FHIT: variants seen among roughly 807,000 people sequenced by gnomAD.
FHIT encodes the protein bis(5'-adenosyl)-triphosphatase.
Under a neutral mutation model 17.9 loss-of-function variants are expected in FHIT, and 19 were observed. The ratio of observed to expected loss-of-function variants is 1.06; its 90% CI spans 0.74 to 1.56. The LOEUF is 1.56. Ranked by LOEUF, FHIT falls within the 40% of genes most tolerant of loss-of-function variation. The pLI is 0.00. For synonymous variants in FHIT, 81 were observed against 69.7 expected (o/e 1.16, Z -0.81); for missense variants, 248 against 189.2 (o/e 1.31, Z -1.82).
At chr3:61,051,905 C>T (rs929313556) in intron 2 of FHIT, among the ~76,000 whole-genome samples, 3 of 152,166 alleles carry the variant, frequency 2.0e-5, no homozygotes, top group African/African-American at 7.2e-5. Context: ...CCTGGAGCTG[C>T]TCTCTATACA....
At chr3:60,174,379 T>G (rs1411563208) in intron 5 of FHIT, among the ~76,000 whole-genome samples, 1 of 152,124 alleles carries the variant, frequency 6.6e-6, no homozygotes, top group Non-Finnish European at 1.5e-5. Flanking sequence ...CTGCAAAAAA[T>G]GCTCTGTCTT....
chr3:60,183,479 T>A (rs1421416497), intron 5 of FHIT, among the ~76,000 whole-genome samples: 1 of 152,088 alleles, frequency 6.6e-6, no homozygotes, highest in African/African-American at 2.4e-5. Context: ...TTTGTTCAAT[T>A]TGAAGTCAAC....
chr3:61,043,409 A>G (rs2033624847), intron 2 of FHIT, among the ~76,000 whole-genome samples: 1 of 152,190 alleles, frequency 6.6e-6, no homozygotes, highest in Non-Finnish European at 1.5e-5. Flanking sequence ...ACTGCAAAGC[A>G]GCAGTGAGGC....
intron 3 of FHIT, among the ~76,000 whole-genome samples, chr3:60,842,047 C>T (rs1553745161): frequency 6.6e-6 from 1 of 152,006 alleles, no homozygotes; most frequent in East Asian, 1.9e-4. Flanking sequence ...AAGGACGCTC[C>T]GAGGGCCTAC....
chr3:61,178,463 A>G (rs1050942621), intron 2 of FHIT, among the ~76,000 whole-genome samples: 1 of 150,314 alleles, frequency 6.7e-6, no homozygotes, highest in Admixed American at 6.7e-5. Context: ...ACCATTACGT[A>G]TGTGGCCTTC....
At chr3:60,420,445 T>A (rs2107261443) in intron 5 of FHIT, among the ~76,000 whole-genome samples, 1 of 152,300 alleles carries the variant, frequency 6.6e-6, no homozygotes, top group Admixed American at 6.5e-5. Flanking sequence ...ACAAAGAGAT[T>A]ACTGTGTTAA....
intron 3 of FHIT, among the ~76,000 whole-genome samples, chr3:60,950,327 T>C (rs558903354): frequency 1.3e-5 from 2 of 152,348 alleles, no homozygotes; most frequent in East Asian, 1.9e-4. Flanking sequence ...ATCATATTTA[T>C]TGAGAGCTGT....
chr3:59,900,616 G>GTTGT (rs1195905588), intron 8 of FHIT, among the ~76,000 whole-genome samples: 2 of 150,926 alleles, frequency 1.3e-5, no homozygotes, highest in African/African-American at 4.9e-5. Context: ...ATGTTTGGTT[G>GTTGT]TTGTTTGTTT....
intron 5 of FHIT, among the ~76,000 whole-genome samples, chr3:60,252,334 A>C (rs1012464139): frequency 6.6e-6 from 1 of 152,140 alleles, no homozygotes; most frequent in African/African-American, 2.4e-5. Flanking sequence ...GCTTGAGCCC[A>C]GGAGTTTAAG....
chr3:60,630,957 C>A (rs12638876), intron 4 of FHIT, among the ~76,000 whole-genome samples: 15,153 of 51,190 alleles, frequency 0.3, 1,126 homozygotes, highest in Non-Finnish European at 0.34. Flanking sequence ...AAAAAAAAAA[C>A]ACACAGAAAT....
At chr3:60,770,163 A>G (rs1699992536) in intron 4 of FHIT, among the ~76,000 whole-genome samples, 1 of 152,194 alleles carries the variant, frequency 6.6e-6, no homozygotes, top group Non-Finnish European at 1.5e-5. Context: ...AAATGAGCAG[A>G]AGCATTGAGG....
intron 2 of FHIT, among the ~76,000 whole-genome samples, chr3:61,194,321 C>A (rs757744191): frequency 1.9e-4 from 29 of 152,036 alleles, no homozygotes; most frequent in Non-Finnish European, 2.9e-4. Context: ...TGGGAGACTG[C>A]CACAAAGACC....
At chr3:60,006,892 G>C (rs895050070) in intron 7 of FHIT, among the ~76,000 whole-genome samples, 1 of 152,122 alleles carries the variant, frequency 6.6e-6, no homozygotes, top group African/African-American at 2.4e-5. Flanking sequence ...GAACAGAAGA[G>C]CTTCCTTTTT....
intron 3 of FHIT, among the ~76,000 whole-genome samples, chr3:60,888,561 T>C (rs912270787): frequency 2.0e-5 from 3 of 152,154 alleles, no homozygotes; most frequent in Non-Finnish European, 2.9e-5. Context: ...GAATAACATG[T>C]CAAATTATTT....
intron 5 of FHIT, among the ~76,000 whole-genome samples, chr3:60,429,310 G>T (rs886582787): frequency 6.6e-6 from 1 of 152,074 alleles, no homozygotes; most frequent in East Asian, 1.9e-4. Flanking sequence ...AAAAGTCCTA[G>T]AAATGGTTAC....
At chr3:60,642,542 A>T (rs1553685614) in intron 4 of FHIT, among the ~76,000 whole-genome samples, 1 of 152,206 alleles carries the variant, frequency 6.6e-6, no homozygotes, top group East Asian at 1.9e-4. Flanking sequence ...TCAAGTTTGT[A>T]AAACAAAAAT....
At chr3:60,167,573 G>A (rs767815762) in intron 5 of FHIT, among the ~76,000 whole-genome samples, 2 of 152,142 alleles carry the variant, frequency 1.3e-5, no homozygotes, top group African/African-American at 2.4e-5. Context: ...AATTGTGAAG[G>A]AAGATGCTTA....
intron 7 of FHIT, among the ~76,000 whole-genome samples, chr3:59,930,726 C>T (rs903677755): frequency 4.6e-5 from 7 of 152,222 alleles, no homozygotes; most frequent in East Asian, 3.9e-4. Context: ...AATTAGGAAA[C>T]GTTGGGGGGT....
At chr3:60,684,401 A>T (rs1735450) in intron 4 of FHIT, among the ~76,000 whole-genome samples, 128,410 of 152,130 alleles carry the variant, frequency 0.84, 54,827 homozygotes, top group Non-Finnish European at 0.91. Context: ...GCCAATATTC[A>T]ACTTGGCACA....
Sources: allele counts gnomAD v4.1 joint callset (sites outside exome capture counted in the v4.1 genomes callset), GRCh38; gene constraint gnomAD v4.1.1; transcripts MANE v1.5; gene names NCBI Gene and HGNC (gene_info 2026-07-23, HGNC 2026-07-21).